LMX1B: variants seen among roughly 807,000 people sequenced by gnomAD.
LMX1B encodes the protein LIM homeobox transcription factor 1 beta.
Under a neutral mutation model 51.4 loss-of-function variants are expected in LMX1B, and 12 were observed. That is an observed-to-expected ratio of 0.23 (90% CI 0.15 to 0.38). The LOEUF (loss-of-function observed/expected upper bound fraction) is 0.38, where lower values mean the gene tolerates loss of function less well. Ranked by LOEUF, LMX1B falls within the 10% of genes least tolerant of loss-of-function variation. The pLI is 1.00. For synonymous variants in LMX1B, 237 were observed against 235.4 expected, an observed-to-expected ratio of 1.01 and a Z score of -0.06; for missense variants, 445 against 571.1, an observed-to-expected ratio of 0.78 and a Z score of 2.25.
rs2118831866 is a variant in LMX1B, at chr9:126,618,727, G to A, written c.326+3158G>A. Among the ~76,000 whole-genome samples, 1 of 152,244 alleles carries A rather than the reference G, an allele frequency of 6.6e-6. No homozygotes were observed. Among genetic ancestry groups the A allele is most frequent in the African/African-American group, 2.4e-5 (1 of 41,556 alleles). ...AATTATGTAACTCTCTTTTCTTGCC[G>A]TCTGTCGCTCGTCTGGAAAGGGTTT... On this transcript the variant is annotated intron_variant, in intron 2 of 7. Coordinates refer to ENST00000373474, the MANE Select transcript of LMX1B (RefSeq NM_001174147.2). This position sits in a 1 kb window ranked among gnomAD's most constrained non-coding sequence, Gnocchi z 4.5.
rs1398653653 is a variant in LMX1B at position 126,626,638 on chromosome 9, T to C, written c.326+11069T>C. 6.6e-6 allele frequency among the ~76,000 whole-genome samples: 1 copy of C among 151,840 alleles called. No homozygotes were observed. ...GAGAGACTTTCTCCCTCGAAACACT[T>C]GATACCAACTTTGTTTTTTTGGCAA... On this transcript the variant is annotated intron_variant, in intron 2 of 7. Transcript: ENST00000373474. The surrounding 1 kb of genome is among the most constrained non-coding windows in gnomAD (Gnocchi z 4.3).
intron 2 of LMX1B, among the ~76,000 whole-genome samples, chr9:126,633,818 T>G (rs572966099): frequency 5.9e-5 from 9 of 152,328 alleles, no homozygotes; most frequent in South Asian, 2.1e-4. Flanking sequence ...GATCACATTA[T>G]TTCATTCAAC....
rs114501479 is a variant in LMX1B at position 126,632,812 on chromosome 9, G to A, written c.326+17243G>A. Among the ~76,000 whole-genome samples, 307 of 152,320 alleles carry A rather than the reference G, an allele frequency of 2.0e-3. 2 individuals carry two copies. Among genetic ancestry groups the A allele is most frequent in the African/African-American group, 7.1e-3 (297 of 41,558 alleles). Reference sequence around the variant, plus strand: ...GGTGACCCACTTAGCTGGGTCCCTGGAAGAGCCGGCTTGACCTGTGCAGCC... The same window carrying A: ...GGTGACCCACTTAGCTGGGTCCCTGAAAGAGCCGGCTTGACCTGTGCAGCC... On this transcript the variant is annotated intron_variant, in intron 2 of 7. Coordinates refer to ENST00000373474, the MANE Select transcript of LMX1B (RefSeq NM_001174147.2).
intron 2 of LMX1B, among the ~76,000 whole-genome samples, chr9:126,689,059 G>A (rs934709839): frequency 2.6e-5 from 4 of 152,228 alleles, no homozygotes; most frequent in African/African-American, 7.2e-5. Flanking sequence ...GGTGGGGGAC[G>A]CTGAGGGGAG....
At position 126,698,631 on chromosome 9, in the gene LMX1B, C is replaced by T. The variant is rs2030428990; in HGVS notation, c.*2180C>T. 6.6e-6 allele frequency: 1 copy of T among 152,430 alleles called. No individual in the cohort carries two copies. The highest frequency in any genetic ancestry group is 2.4e-5 in the African/African-American group (1 of 41,454). 9.4% of individuals were successfully genotyped at this position (152,430 alleles called of 1,614,324 possible). Reference sequence around the variant, plus strand: ...TGTCCCCTTGTTCAGGTGCTCACAACCCTACCTTTAACTCTGAGGTCAAGC... The same window carrying T: ...TGTCCCCTTGTTCAGGTGCTCACAATCCTACCTTTAACTCTGAGGTCAAGC... On this transcript the variant is annotated 3_prime_UTR_variant, in exon 8 of 8. Coordinates refer to ENST00000373474, the MANE Select transcript of LMX1B (RefSeq NM_001174147.2).
intron 2 of LMX1B, among the ~76,000 whole-genome samples, chr9:126,662,426 G>A (rs1339587085): frequency 6.6e-6 from 1 of 152,118 alleles, no homozygotes; most frequent in Admixed American, 6.5e-5. Flanking sequence ...CAATTTCCTC[G>A]GCTGTAAAGT....
intron 2 of LMX1B, among the ~76,000 whole-genome samples, chr9:126,683,707 G>T (rs1022746661): frequency 1.3e-5 from 2 of 152,218 alleles, no homozygotes; most frequent in Admixed American, 6.5e-5. Flanking sequence ...TAGGGAGGAG[G>T]TGTGACACAG....
intron 2 of LMX1B, among the ~76,000 whole-genome samples, chr9:126,654,978 A>C (rs1241439513): frequency 6.6e-6 from 1 of 152,120 alleles, no homozygotes; most frequent in Non-Finnish European, 1.5e-5. Context: ...CATCCCCCAC[A>C]GCTGTGACAC....
intron 2 of LMX1B, among the ~76,000 whole-genome samples, chr9:126,647,117 G>A (rs372942036): frequency 7.4e-4 from 113 of 152,202 alleles, no homozygotes; most frequent in African/African-American, 2.2e-3. Flanking sequence ...CTGGCGGATC[G>A]CTTGAGCCCA....
At chr9:126,663,468 G>T (rs1564159682) in intron 2 of LMX1B, among the ~76,000 whole-genome samples, 1 of 151,920 alleles carries the variant, frequency 6.6e-6, no homozygotes, top group Non-Finnish European at 1.5e-5. Context: ...AGAGCAGAGG[G>T]ACTTGGGTTC....
chr9:126,656,559 G>A (rs191289074), intron 2 of LMX1B, among the ~76,000 whole-genome samples: 97 of 152,344 alleles, frequency 6.4e-4, no homozygotes, highest in South Asian at 3.1e-3. Flanking sequence ...GGAAGGAAGG[G>A]ATGTGATGCC....
Position 126,658,471 on chromosome 9 carries a change from C to T in LMX1B, c.327-32365C>T, listed in dbSNP as rs1292446345. Among the ~76,000 whole-genome samples, 1 of 152,078 alleles carries T rather than the reference C, an allele frequency of 6.6e-6. No individual in the cohort carries two copies. The highest frequency in any genetic ancestry group is 1.5e-5 in the Non-Finnish European group (1 of 68,014). On this transcript the variant is annotated intron_variant, in intron 2 of 7. Transcript: ENST00000373474. The surrounding 1 kb of genome is among the most constrained non-coding windows in gnomAD (Gnocchi z 4.0). ...CTCCCTCTGGTCCACATTCCCAGCT[C>T]CTGATTAGATTTGGGAAGGACTAAT...
At chr9:126,647,651 C>T (rs890058764) in intron 2 of LMX1B, among the ~76,000 whole-genome samples, 11 of 152,232 alleles carry the variant, frequency 7.2e-5, no homozygotes, top group Admixed American at 2.6e-4. Context: ...ATCCATGACC[C>T]AGCAGTTCCT....
chr9:126,690,844 C>A lies in LMX1B; in HGVS notation c.335C>A (p.Ala112Glu). The change falls in exon 3 of 8, where the codon GCG becomes GAG. Residue 112 changes from alanine to glutamate, a missense_variant. Transcript: ENST00000373474. ...GCTTTGTGCATCCGCAGGCTCTTCG[C>A]GGCCAAGTGCAGCGGCTGCATGGAG... ...YCKQDYQQLFAAKCSGCMEKI... is the reference protein window; with the variant it reads ...YCKQDYQQLFEAKCSGCMEKI... 1 of 1,609,904 alleles carries A rather than the reference C, an allele frequency of 6.2e-7. No homozygotes were observed.
rs755877579 is a variant in LMX1B at position 126,690,843 on chromosome 9, G to T, written c.334G>T (p.Ala112Ser). 2.5e-6 allele frequency: 4 copies of T among 1,609,618 alleles called. No homozygotes were observed. Among genetic ancestry groups the T allele is most frequent in the Non-Finnish European group, 3.4e-6 (4 of 1,179,058 alleles). Reference sequence around the variant, plus strand: ...CGCTTTGTGCATCCGCAGGCTCTTCGCGGCCAAGTGCAGCGGCTGCATGGA... The same window carrying T: ...CGCTTTGTGCATCCGCAGGCTCTTCTCGGCCAAGTGCAGCGGCTGCATGGA... ...YCKQDYQQLF[A>S]AKCSGCMEKI... is the part of the protein sequence containing the mutation. The change falls in exon 3 of 8, where the codon GCG (alanine) becomes TCG (serine). Residue 112 changes from alanine to serine, a missense_variant. Around this residue, in one of 3 missense-constraint regions of LMX1B, gnomAD observed 273 missense variants for 343.3 expected, o/e 0.80. Transcript: ENST00000373474.
At chr9:126,659,965 A>G (rs540236762) in intron 2 of LMX1B, among the ~76,000 whole-genome samples, 64 of 149,086 alleles carry the variant, frequency 4.3e-4, no homozygotes, top group African/African-American at 1.5e-3. Context: ...GGGGGTGTCT[A>G]CACTGGCTTC....
At chr9:126,661,938 C>T (rs1022137622) in intron 2 of LMX1B, among the ~76,000 whole-genome samples, 1 of 152,188 alleles carries the variant, frequency 6.6e-6, no homozygotes, top group African/African-American at 2.4e-5. Flanking sequence ...GGGAAATTAC[C>T]TAATGAATCA....
intron 2 of LMX1B, among the ~76,000 whole-genome samples, chr9:126,664,081 C>T (rs1396382730): frequency 6.6e-6 from 1 of 152,212 alleles, no homozygotes; most frequent in Non-Finnish European, 1.5e-5. Flanking sequence ...GTCTCCCAAC[C>T]CCAGCCCAGG....
chr9:126,627,327 C>T (rs1835554007), intron 2 of LMX1B, among the ~76,000 whole-genome samples: 1 of 152,118 alleles, frequency 6.6e-6, no homozygotes, highest in South Asian at 2.1e-4. Context: ...CCTCAGCCTG[C>T]TTGCTTCTGA....
Sources: allele counts gnomAD v4.1 joint callset (sites outside exome capture counted in the v4.1 genomes callset), GRCh38; gene constraint gnomAD v4.1.1; regional missense constraint gnomAD v4.1.1; non-coding constraint Gnocchi (gnomAD v3.1); transcripts MANE v1.5; gene names NCBI Gene and HGNC (gene_info 2026-07-23, HGNC 2026-07-21).